The following LRTM3 variants were observed in gnomAD, a reference collection of about 807,000 sequenced individuals.
The protein encoded by LRTM3 is leucine-rich repeat transmembrane protein 3.
the LRTM3 span, chr13:102,737,080 A>G: frequency 6.4e-7 from 1 of 1,551,184 alleles, no homozygotes; most frequent in Non-Finnish European, 8.7e-7. Flanking sequence ...TTTTTGAGCC[A>G]CTGCTGCCAG....
the LRTM3 span, chr13:102,741,349 C>T: frequency 1.3e-6 from 2 of 1,549,314 alleles, no homozygotes; most frequent in Admixed American, 2.0e-5. Flanking sequence ...ATTCAGAATC[C>T]AGAATACTTT....
chr13:102,735,013 T>A, the LRTM3 span: 1 of 1,551,178 alleles, frequency 6.4e-7, no homozygotes, highest in Non-Finnish European at 8.7e-7. Context: ...AAGAGGGTCT[T>A]GTTAATATTG....
chr13:102,738,714 T>G, the LRTM3 span: 1 of 1,550,706 alleles, frequency 6.4e-7, no homozygotes, highest in South Asian at 1.2e-5. Flanking sequence ...CTCATTTTTA[T>G]TCTCATGGCT....
the LRTM3 span, chr13:102,749,817 G>C: frequency 3.2e-6 from 5 of 1,551,198 alleles, no homozygotes; most frequent in African/African-American, 6.8e-5. Context: ...TCCTGTGCTT[G>C]GACAGAAATA....
chr13:102,737,476 C>T, the LRTM3 span: 1 of 1,550,752 alleles, frequency 6.4e-7, no homozygotes. Flanking sequence ...CATCTGCTTG[C>T]TGTTGCTCTT....
chr13:102,745,631 G>C, the LRTM3 span: 1 of 1,550,918 alleles, frequency 6.4e-7, no homozygotes, highest in Non-Finnish European at 8.7e-7. Context: ...GTTTCTCGTC[G>C]TTTTAGGTGT....
At chr13:102,736,678 G>C in the LRTM3 span, 1 of 1,550,632 alleles carries the variant, frequency 6.4e-7, no homozygotes, top group Admixed American at 2.0e-5. Flanking sequence ...CTTGTTGACT[G>C]ATGTTCACCT....
At chr13:102,737,835 C>T in the LRTM3 span, 7 of 1,550,908 alleles carry the variant, frequency 4.5e-6, no homozygotes, top group Non-Finnish European at 6.1e-6. Flanking sequence ...TCTTCCTCTC[C>T]TTCTATTCTT....
At chr13:102,736,482 G>C in the LRTM3 span, 1 of 1,551,126 alleles carries the variant, frequency 6.4e-7, no homozygotes, top group Non-Finnish European at 8.7e-7. Flanking sequence ...GGCTTTGTAG[G>C]TGCTGTTTGC....
At chr13:102,747,239 A>T in the LRTM3 span, 1 of 1,550,136 alleles carries the variant, frequency 6.5e-7, no homozygotes, top group African/African-American at 1.4e-5. Flanking sequence ...TCTGCTATAC[A>T]TTCTAGTATT....
At chr13:102,735,215 T>C in the LRTM3 span, 5 of 1,551,234 alleles carry the variant, frequency 3.2e-6, no homozygotes, top group South Asian at 3.6e-5. Context: ...TGCCTTCAAA[T>C]ACATTTTGTT....
the LRTM3 span, among the ~76,000 whole-genome samples, chr13:102,755,962 T>TATA: frequency 0.059 from 3,310 of 56,564 alleles, 151 homozygotes; most frequent in African/African-American, 0.18. Context: ...TATATATATA[T>TATA]TTTTTTTTTT....
chr13:102,749,940 C>T, the LRTM3 span: 2 of 1,551,126 alleles, frequency 1.3e-6, no homozygotes, highest in Admixed American at 2.0e-5. Context: ...TGATTCCTCA[C>T]ATTTTCTTCC....
chr13:102,737,237 C>G, the LRTM3 span: 2 of 1,550,960 alleles, frequency 1.3e-6, no homozygotes, highest in African/African-American at 2.7e-5. Flanking sequence ...ATCATTTGAG[C>G]TATCCACCCC....
the LRTM3 span, among the ~76,000 whole-genome samples, chr13:102,750,896 A>G: frequency 6.6e-6 from 1 of 152,190 alleles, no homozygotes; most frequent in Non-Finnish European, 1.5e-5. Flanking sequence ...GGGCCGGAGT[A>G]CTGATCATGG....
the LRTM3 span, chr13:102,746,521 G>A: frequency 1.3e-6 from 2 of 1,551,036 alleles, no homozygotes; most frequent in South Asian, 1.2e-5. Flanking sequence ...TAGTCTTAAA[G>A]TCTAATTCTG....
the LRTM3 span, chr13:102,735,675 T>C: frequency 6.4e-7 from 1 of 1,551,250 alleles, no homozygotes; most frequent in South Asian, 1.2e-5. Context: ...CCCTGTGCTG[T>C]GGGTTGCACT....
At chr13:102,742,977 T>C in the LRTM3 span, 1 of 1,541,338 alleles carries the variant, frequency 6.5e-7, no homozygotes, top group Non-Finnish European at 8.8e-7. Context: ...TTTTTGTTTT[T>C]TTCTATTTTT....
the LRTM3 span, chr13:102,742,791 C>A: frequency 6.5e-7 from 1 of 1,550,380 alleles, no homozygotes; most frequent in African/African-American, 1.4e-5. Context: ...TGCCTGCCAA[C>A]AGAATCTGGG....
Sources: gnomAD v4.1 joint callset for allele counts (sites outside exome capture counted in the v4.1 genomes callset) on GRCh38, gnomAD v4.1.1 for gene constraint, MANE v1.5 for transcripts, NCBI Gene and HGNC (gene_info 2026-07-23, HGNC 2026-07-21) for gene names.